SYNJ2: variants seen among roughly 807,000 people sequenced by gnomAD.
SYNJ2 encodes the protein polyphosphatidylinositol phosphatase SYNJ2.
In SYNJ2, 116 loss-of-function variants were observed where a neutral mutation model predicts 141.3. The ratio of observed to expected loss-of-function variants is 0.82; its 90% CI spans 0.71 to 0.96. The LOEUF is 0.96. Ranked by LOEUF, SYNJ2 falls within the 40% of genes least tolerant of loss-of-function variation. The pLI is 0.00. For synonymous variants in SYNJ2, 745 were observed against 777.7 expected (o/e 0.96, Z 0.70); for missense variants, 1,873 against 1,934.8 (o/e 0.97, Z 0.60).
chr6:158,072,699 A>G (rs1782010470), intron 15 of SYNJ2, among the ~76,000 whole-genome samples: 1 of 151,832 alleles, frequency 6.6e-6, no homozygotes, highest in South Asian at 2.1e-4. Context: ...AAAAGAAACA[A>G]ACGAGTTGGG....
In SYNJ2 at chr6:157,986,101, G is replaced by A. The variant is rs530110051; in HGVS notation, c.127+4013G>A. ...CACGGACTGGAATTTTGATCTGCTA[G>A]AGAGGACCACAGAGAATCAAATAAG... On this transcript the variant is annotated intron_variant, in intron 1 of 26. Transcript: ENST00000355585. Among the ~76,000 whole-genome samples the A allele has an allele frequency of 3.3e-5, 5 of 152,290 alleles. No homozygotes were observed. In the East Asian group the frequency reaches 9.7e-4, roughly 29 times the overall value.
At chr6:158,080,010 G>C (rs1191237754) in intron 18 of SYNJ2, among the ~76,000 whole-genome samples, 1 of 152,148 alleles carries the variant, frequency 6.6e-6, no homozygotes, top group African/African-American at 2.4e-5. Flanking sequence ...TCGTAATATA[G>C]GATTTTCTGG....
chr6:158,032,204 A>T lies in SYNJ2; in HGVS notation c.486-1251A>T, dbSNP rs149612703. ...CGGGCTGTGCTCCCTGTGGGGGTGC[A>T]TGTGGCTTTGGTCACAGTCGGGGAG... On this transcript the variant is annotated intron_variant, in intron 3 of 26. Coordinates refer to ENST00000355585, the MANE Select transcript of SYNJ2 (RefSeq NM_003898.4). Among the ~76,000 whole-genome samples, 7 of 152,086 alleles carry T rather than the reference A, an allele frequency of 4.6e-5. No individual in the cohort carries two copies. In the East Asian group the frequency reaches 1.2e-3, roughly 25 times the overall value.
At chr6:158,021,230 C>A (rs951440656) in intron 2 of SYNJ2, among the ~76,000 whole-genome samples, 1 of 152,202 alleles carries the variant, frequency 6.6e-6, no homozygotes, top group Non-Finnish European at 1.5e-5. Context: ...AGTACGCAAC[C>A]TGTGAAGCTG....
Position 158,081,423 on chromosome 6 carries a change from T to G in SYNJ2, c.2787-9T>G. 3 of 1,613,834 alleles carry G rather than the reference T, an allele frequency of 1.9e-6. No individual in the cohort carries two copies. Among genetic ancestry groups the G allele is most frequent in the Non-Finnish European group, 2.5e-6 (3 of 1,179,918 alleles). On this transcript the variant is annotated splice_polypyrimidine_tract_variant and intron_variant, in intron 19 of 26. Transcript: ENST00000355585. ...TCTTGGCATTGACTTGGAGTATCAT[T>G]TATTCCAGGATCAACCAAGGGCAGA... is the stretch of plus-strand genomic sequence containing the variant.
chr6:158,079,375 C>T (rs982505167), intron 18 of SYNJ2: 4 of 135,626 alleles, frequency 2.9e-5, no homozygotes, highest in African/African-American at 6.0e-5. Context: ...AGTTGGTCAA[C>T]GAAAAAACCT....
chr6:157,998,632 G>A (rs1454698156), intron 1 of SYNJ2, among the ~76,000 whole-genome samples: 2 of 152,154 alleles, frequency 1.3e-5, no homozygotes, highest in African/African-American at 4.8e-5. Flanking sequence ...GTATTTAAGT[G>A]TAAAAAAACA....
At chr6:158,076,976 G>T (rs1253695718) in intron 17 of SYNJ2, among the ~76,000 whole-genome samples, 194 bp downstream of exon 17, 1 of 151,716 alleles carries the variant, frequency 6.6e-6, no homozygotes, top group Non-Finnish European at 1.5e-5. Context: ...TCTGCTTCTG[G>T]CCTCTTTTTT....
At chr6:158,087,119 T>C (rs1173528587) in intron 23 of SYNJ2, 130 bp downstream of exon 23, 3 of 1,081,612 alleles carry the variant, frequency 2.8e-6, no homozygotes, top group Non-Finnish European at 3.9e-6. Flanking sequence ...TCCTCCTCCT[T>C]GGGCTCCGTT....
chr6:158,025,332 G>T (rs1778984011), intron 2 of SYNJ2, among the ~76,000 whole-genome samples: 1 of 152,134 alleles, frequency 6.6e-6, no homozygotes, highest in Non-Finnish European at 1.5e-5. Flanking sequence ...TAACTTGGGG[G>T]TGCACACATT....
At chr6:158,085,145 A>G (rs1277117345) in intron 22 of SYNJ2, among the ~76,000 whole-genome samples, 1 of 151,468 alleles carries the variant, frequency 6.6e-6, no homozygotes, top group Non-Finnish European at 1.5e-5. Context: ...TCAGCCTCCC[A>G]AGTAGCTGGG....
chr6:158,094,017 T>C lies in SYNJ2; in HGVS notation c.3744+913T>C, dbSNP rs1393970676. On this transcript the variant is annotated intron_variant, in intron 26 of 26. Transcript: ENST00000355585. Reference sequence around the variant, plus strand: ...ATCTGGATCTTCCGTTTGATCTCAGTGTTCTAGTAACGGACCCTCGGTAAT... The same window carrying C: ...ATCTGGATCTTCCGTTTGATCTCAGCGTTCTAGTAACGGACCCTCGGTAAT... The C allele has an allele frequency of 5.2e-6, 4 of 765,024 alleles. No homozygotes were observed. In the Admixed American group the frequency reaches 6.8e-5, roughly 13 times the overall value. The allele number at this position is 765,024 out of a possible 1,614,324, so 47.4% of individuals were successfully genotyped here.
chr6:158,085,506 G>A (rs749331407), intron 22 of SYNJ2, among the ~76,000 whole-genome samples: 2 of 152,174 alleles, frequency 1.3e-5, no homozygotes, highest in Admixed American at 6.5e-5. Flanking sequence ...GCTTAGCCAC[G>A]CATTGGGCCC....
Position 158,033,438 on chromosome 6 carries a change from G to A in SYNJ2, c.486-17G>A, listed in dbSNP as rs1312445017. The A allele has an allele frequency of 6.2e-7, 1 of 1,611,828 alleles. No individual in the cohort carries two copies. The highest frequency in any genetic ancestry group is 1.3e-5 in the African/African-American group (1 of 74,924). ...GATGTCAAGTGACTGGAATTGGTGTGGGACTGTGTTTTGCAGGAACCAGCT... is the reference window on the plus strand; with the variant it reads ...GATGTCAAGTGACTGGAATTGGTGTAGGACTGTGTTTTGCAGGAACCAGCT... On this transcript the variant is annotated splice_polypyrimidine_tract_variant and intron_variant, in intron 3 of 26. Transcript: ENST00000355585.
intron 16 of SYNJ2, among the ~76,000 whole-genome samples, chr6:158,076,092 G>A (rs541308940): frequency 6.6e-6 from 1 of 152,324 alleles, no homozygotes; most frequent in African/African-American, 2.4e-5. Flanking sequence ...GGAGGCTGAG[G>A]CAGGAGGATC....
intron 5 of SYNJ2, among the ~76,000 whole-genome samples, chr6:158,049,090 C>T (rs1000880417): frequency 2.0e-5 from 3 of 152,040 alleles, no homozygotes; most frequent in Non-Finnish European, 2.9e-5. Context: ...GAGTGCTGAT[C>T]GAGACTCTGC....
intron 1 of SYNJ2, among the ~76,000 whole-genome samples, chr6:157,990,071 C>T (rs1170763463): frequency 2.6e-5 from 4 of 152,188 alleles, no homozygotes; most frequent in Admixed American, 1.3e-4. Flanking sequence ...CCTTGGCCCG[C>T]GAGGCTGGCA....
At chr6:158,074,542 A>C in intron 15 of SYNJ2, 38 bp from the exon 16 acceptor site, 3 of 1,596,690 alleles carry the variant, frequency 1.9e-6, no homozygotes, top group Non-Finnish European at 2.6e-6. Flanking sequence ...CTTCCTTGCA[A>C]GATGGGCTGA....
intron 1 of SYNJ2, among the ~76,000 whole-genome samples, chr6:157,984,034 C>G (rs748262592): frequency 2.0e-5 from 3 of 152,018 alleles, no homozygotes; most frequent in Non-Finnish European, 4.4e-5. Flanking sequence ...TGGGGTCTTA[C>G]TATGTTGCCC....
Sources: gnomAD v4.1 joint callset for allele counts (sites outside exome capture counted in the v4.1 genomes callset) on GRCh38, gnomAD v4.1.1 for gene constraint, MANE v1.5 for transcripts, NCBI Gene and HGNC (gene_info 2026-07-23, HGNC 2026-07-21) for gene names.